Variants in HMGN5 observed in about 807,000 individuals in gnomAD.
HMGN5 encodes high mobility group nucleosome-binding domain-containing protein 5.
HMGN5 carries 4 observed loss-of-function variants against 9.5 expected under a neutral mutation model. The ratio of observed to expected loss-of-function variants is 0.42; its 90% CI spans 0.21 to 0.96. The LOEUF (loss-of-function observed/expected upper bound fraction) is 0.96. HMGN5 is among the 40% of genes least tolerant of loss of function. HMGN5 has a pLI of 0.30. For missense variants in HMGN5, 192 were observed against 187.5 expected, an observed-to-expected ratio of 1.02 and a Z score of -0.14; for synonymous variants, 55 against 57.1, an observed-to-expected ratio of 0.96 and a Z score of 0.16.
At chrX:81,195,272 T>C (rs890963214) in intron 1 of HMGN5, 3 of 111,397 alleles carry the variant, frequency 2.7e-5, no homozygotes, top group African/African-American at 9.8e-5. Flanking sequence ...AGAACTTGTA[T>C]TCCAATGTTC....
At chrX:81,183,964 C>T (rs1416506918) in intron 1 of HMGN5, among the ~76,000 whole-genome samples, 1 of 111,663 alleles carries the variant, frequency 9.0e-6, no homozygotes, top group East Asian at 2.8e-4. Flanking sequence ...TCAAATGAGA[C>T]TTTGAAATTT....
At chrX:81,171,658 T>C in intron 1 of HMGN5, among the ~76,000 whole-genome samples, 1 of 111,393 alleles carries the variant, frequency 9.0e-6, no homozygotes, top group Non-Finnish European at 1.9e-5. Context: ...AACTGGAAAA[T>C]TAAAACTTTT....
At chrX:81,173,051 G>A (rs1237082018) in intron 1 of HMGN5, among the ~76,000 whole-genome samples, 1 of 111,062 alleles carries the variant, frequency 9.0e-6, no homozygotes, top group Non-Finnish European at 1.9e-5. Context: ...ATATACCTGT[G>A]TATGCATATA....
rs73631719 is a variant in HMGN5 at position 81,118,482 on chromosome X, G to A, written c.79C>T (p.Leu27Phe). 3.1e-3 allele frequency: 3,617 copies of A among 1,172,984 alleles called. 70 individuals are homozygous for A. In the African/African-American group the frequency reaches 0.056, roughly 18 times the overall value. ...TTCACCTCTGGTGTAACTGGCACAA[G>A]CATCTGCTTCAAGTTGTGGGAAAAG... Reference protein sequence around the residue: ...KRRSARLSAMLVPVTPEVKPK... With the variant: ...KRRSARLSAMFVPVTPEVKPK... The change falls in exon 5 of 7, where the codon CTT (leucine) becomes TTT (phenylalanine). Residue 27 changes from leucine (L) to phenylalanine (F), a missense_variant. Transcript: ENST00000358130.
intron 1 of HMGN5, among the ~76,000 whole-genome samples, chrX:81,145,992 A>T (rs767017082): frequency 9.0e-6 from 1 of 111,554 alleles, no homozygotes; most frequent in African/African-American, 3.3e-5. Context: ...GAGCACCCAG[A>T]TTGATAGAGC....
chrX:81,152,591 C>T (rs1463977665), intron 1 of HMGN5, among the ~76,000 whole-genome samples: 1 of 110,912 alleles, frequency 9.0e-6, no homozygotes, highest in Non-Finnish European at 1.9e-5. Context: ...GTGTGGTGAT[C>T]CCTCAGGGAT....
intron 1 of HMGN5, among the ~76,000 whole-genome samples, chrX:81,167,858 G>A (rs188533089): frequency 0.011 from 1,257 of 111,389 alleles, 17 homozygotes; most frequent in African/African-American, 0.039. Flanking sequence ...AAAGACCCTA[G>A]AACTAATTTA....
rs181272039 is a variant in HMGN5 at position 81,164,121 on chromosome X, T to C, written c.-124+37616A>G. On this transcript the variant is annotated intron_variant, in intron 1 of 6. Transcript: ENST00000358130. ...CAGCAGAAAAGCTGTCTTTATGTGT[T>C]ACTGTGCTCTTTCCCTAAGTGAATC... Among the ~76,000 whole-genome samples, 6 of 111,687 alleles carry C rather than the reference T, an allele frequency of 5.4e-5. No individual in the cohort carries two copies. The East Asian group carries it at 1.7e-3, about 31-fold the overall frequency.
At chrX:81,121,806 G>A (rs2075269684) in intron 1 of HMGN5, 134 bp from the exon 2 acceptor site, 1 of 295,774 alleles carries the variant, frequency 3.4e-6, no homozygotes, top group Non-Finnish European at 5.9e-6. Context: ...AGAGGCAGCC[G>A]GCTTTGAGGG....
At chrX:81,120,707 G>A (rs2075266141) in intron 2 of HMGN5, among the ~76,000 whole-genome samples, 1 of 111,461 alleles carries the variant, frequency 9.0e-6, no homozygotes, top group African/African-American at 3.3e-5. Context: ...ACTTCTAGGG[G>A]ACTAAGAAAA....
rs148262385 is a variant in HMGN5 at position 81,188,875 on chromosome X, A to G, written c.-124+12862T>C. 5.2e-3 allele frequency among the ~76,000 whole-genome samples: 584 copies of G among 111,490 alleles called. 5 individuals are homozygous for G. Among genetic ancestry groups the G allele is most frequent in the Non-Finnish European group, 7.4e-3 (392 of 53,063 alleles). ...CCACATTTTCTTAATCCAGTCTATC[A>G]TTGATGGACATTTAAGGTAAGAGTA... On this transcript the variant is annotated intron_variant, in intron 1 of 6. Transcript: ENST00000358130.
chrX:81,157,116 C>A (rs2075385082), intron 1 of HMGN5, among the ~76,000 whole-genome samples: 1 of 111,248 alleles, frequency 9.0e-6, no homozygotes, highest in African/African-American at 3.3e-5. Flanking sequence ...TCTGCTGGAC[C>A]ATTATTAAGT....
In HMGN5 at chrX:81,116,355, T is replaced by G; in HGVS notation, c.130-14A>C. On this transcript the variant is annotated splice_polypyrimidine_tract_variant and intron_variant, in intron 5 of 6. Coordinates refer to ENST00000358130, the MANE Select transcript of HMGN5 (RefSeq NM_030763.3). Reference sequence around the variant, plus strand: ...TGTCTTCATTTTCTGCCAAGCAATATAAAACAATGAAAGTAAATATACAAT... The same window carrying G: ...TGTCTTCATTTTCTGCCAAGCAATAGAAAACAATGAAAGTAAATATACAAT... The G allele has an allele frequency of 8.9e-7, 1 of 1,128,301 alleles. No homozygotes were observed. The highest frequency in any genetic ancestry group is 1.9e-5 in the South Asian group (1 of 51,669). The allele number at this position is 1,128,301 out of a possible 1,213,427, so 93.0% of individuals were successfully genotyped here. A position where few individuals can be genotyped will look rare whatever the true frequency, so the allele number is the denominator to read the frequency against.
intron 1 of HMGN5, among the ~76,000 whole-genome samples, chrX:81,141,670 C>G (rs768814093): frequency 9.0e-6 from 1 of 111,701 alleles, no homozygotes; most frequent in Non-Finnish European, 1.9e-5. Flanking sequence ...AAAACAGATA[C>G]AGCTTGGAAC....
At chrX:81,182,049 C>G (rs992817627) in intron 1 of HMGN5, among the ~76,000 whole-genome samples, 7 of 111,616 alleles carry the variant, frequency 6.3e-5, no homozygotes, top group Non-Finnish European at 1.3e-4. Flanking sequence ...GTTGTACTCA[C>G]TTACATTACT....
intron 1 of HMGN5, among the ~76,000 whole-genome samples, chrX:81,193,507 G>A (rs1232902726): frequency 8.9e-6 from 1 of 112,136 alleles, no homozygotes; most frequent in African/African-American, 3.2e-5. Context: ...CTGAATTCTT[G>A]ACCTGCAGAA....
intron 1 of HMGN5, among the ~76,000 whole-genome samples, chrX:81,165,073 G>A (rs766896527): frequency 1.8e-5 from 2 of 111,257 alleles, no homozygotes; most frequent in East Asian, 5.7e-4. Flanking sequence ...AAAGGTCATC[G>A]ATTTTGGAAT....
At chrX:81,142,947 G>A (rs5959820) in intron 1 of HMGN5, among the ~76,000 whole-genome samples, 2,039 of 111,457 alleles carry the variant, frequency 0.018, 41 homozygotes, top group African/African-American at 0.062. Flanking sequence ...ACAATAAGAT[G>A]TAAATAGAGG....
intron 1 of HMGN5, among the ~76,000 whole-genome samples, chrX:81,173,386 C>T (rs191464327): frequency 1.8e-4 from 20 of 110,836 alleles, no homozygotes; most frequent in Non-Finnish European, 1.9e-5. Context: ...GAAGTAGCCA[C>T]AATATTGAAT....
Sources: allele counts gnomAD v4.1 joint callset (sites outside exome capture counted in the v4.1 genomes callset), GRCh38; gene constraint gnomAD v4.1.1; transcripts MANE v1.5; gene names NCBI Gene and HGNC (gene_info 2026-07-23, HGNC 2026-07-21).